Variants in RUVBL1 observed in about 807,000 individuals in gnomAD.
RUVBL1 encodes the protein ruvB-like 1.
Under a neutral mutation model 52.4 loss-of-function variants are expected in RUVBL1, and 4 were observed. The observed-to-expected ratio is 0.08, with a 90% CI of 0.04 to 0.17. The LOEUF is 0.17. Ranked by LOEUF, RUVBL1 falls within the 10% of genes least tolerant of loss-of-function variation. RUVBL1 has a pLI of 1.00. For missense variants in RUVBL1, 298 were observed against 572.8 expected, an observed-to-expected ratio of 0.52 and a Z score of 4.90; for synonymous variants, 217 against 214.4, an observed-to-expected ratio of 1.01 and a Z score of -0.10.
At chr3:128,151,270 A>T (rs1290389770) in intron 1 of RUVBL1, among the ~76,000 whole-genome samples, 1 of 142,992 alleles carries the variant, frequency 7.0e-6, no homozygotes, top group Non-Finnish European at 1.5e-5. Context: ...ATCTATATAT[A>T]TTCTATATAT....
chr3:128,128,872 T>G (rs538411906), intron 1 of RUVBL1, among the ~76,000 whole-genome samples: 1 of 152,326 alleles, frequency 6.6e-6, no homozygotes, highest in African/African-American at 2.4e-5. Context: ...AGCCAAGGCA[T>G]CTTTACTATC....
At chr3:128,147,177 C>G (rs1030929768) in intron 1 of RUVBL1, among the ~76,000 whole-genome samples, 1 of 152,100 alleles carries the variant, frequency 6.6e-6, no homozygotes, top group Non-Finnish European at 1.5e-5. Flanking sequence ...TCAAGGGATC[C>G]GCGCACCTCA....
rs1028375930 is a variant in RUVBL1, at chr3:128,067,305, T to C, written c.940-2085A>G. 1.8e-5 allele frequency: 24 copies of C among 1,315,580 alleles called. No individual in the cohort carries two copies. Among genetic ancestry groups the C allele is most frequent in the East Asian group, 4.6e-5 (2 of 43,306 alleles). The allele number at this position is 1,315,580 out of a possible 1,614,324, so 81.5% of individuals were successfully genotyped here. ...TTAAATTATCTTTTCAGTAAAAAAA[T>C]TGTACTGTGGGCACCGAGTAAAATT... is the stretch of plus-strand genomic sequence containing the variant. On this transcript the variant is annotated intron_variant, in intron 9 of 9. Transcript: ENST00000464873. This position sits in a 1 kb window ranked among gnomAD's most constrained non-coding sequence, Gnocchi z 4.1.
chr3:128,116,758 G>C (rs532194403), intron 2 of RUVBL1, among the ~76,000 whole-genome samples: 6 of 152,206 alleles, frequency 3.9e-5, no homozygotes, highest in African/African-American at 7.2e-5. Flanking sequence ...GAGCTGCCAG[G>C]CTCCCTCATC....
intron 3 of RUVBL1, among the ~76,000 whole-genome samples, chr3:128,111,731 G>A (rs552631619): frequency 2.0e-5 from 3 of 152,086 alleles, no homozygotes; most frequent in Non-Finnish European, 4.4e-5. Flanking sequence ...TTTAACCATG[G>A]CCCTACCTGA....
At chr3:128,065,592 G>A (rs1249272614) in intron 9 of RUVBL1, among the ~76,000 whole-genome samples, 1 of 152,126 alleles carries the variant, frequency 6.6e-6, no homozygotes, top group Non-Finnish European at 1.5e-5. Flanking sequence ...GAGATGAAAG[G>A]CAGTTTGATG....
chr3:128,146,520 CTGTG>C (rs1234419587), intron 1 of RUVBL1, among the ~76,000 whole-genome samples: 5 of 128,530 alleles, frequency 3.9e-5, no homozygotes, highest in Middle Eastern at 5.8e-3. Context: ...GTGCGTGCAT[CTGTG>C]TGTGTGTGTC....
chr3:128,104,737 G>A, intron 4 of RUVBL1, 36 bp downstream of exon 4: 1 of 1,572,474 alleles, frequency 6.4e-7, no homozygotes, highest in South Asian at 1.1e-5. Context: ...AGTGCTGGGA[G>A]AGTCAAGGGA....
At position 128,101,568 on chromosome 3, in the gene RUVBL1, C is replaced by T; in HGVS notation, c.594G>A (p.Gly198=). 2 of 1,613,972 alleles carry T rather than the reference C, an allele frequency of 1.2e-6. No homozygotes were observed. Among genetic ancestry groups the T allele is most frequent in the Non-Finnish European group, 1.7e-6 (2 of 1,179,954 alleles). The change falls in exon 5 of 11, where the codon GGG becomes GGA. Residue 198 remains glycine, a synonymous_variant. Transcript: ENST00000322623. ...GDVIYIEANS[G]AVKRQGRCDT... Reference sequence around the variant, plus strand: ...CCAAGGAAGGCATTACCTTCACGGCCCCACTGTTGGCTTCAATGTAAATCA... The same window carrying T: ...CCAAGGAAGGCATTACCTTCACGGCTCCACTGTTGGCTTCAATGTAAATCA...
intron 8 of RUVBL1, among the ~76,000 whole-genome samples, chr3:128,096,018 T>A (rs1942960175): frequency 6.6e-6 from 1 of 152,160 alleles, no homozygotes; most frequent in East Asian, 1.9e-4. Flanking sequence ...ATCAGCAGTT[T>A]TTATTTCAAA....
intron 8 of RUVBL1, among the ~76,000 whole-genome samples, chr3:128,096,955 C>T (rs1328347659): frequency 1.3e-5 from 2 of 152,176 alleles, no homozygotes; most frequent in Non-Finnish European, 2.9e-5. Context: ...ATAATGCCTA[C>T]CTCTCAGAGC....
intron 9 of RUVBL1, among the ~76,000 whole-genome samples, chr3:128,073,854 G>C (rs1942237828): frequency 6.6e-6 from 1 of 152,090 alleles, no homozygotes; most frequent in Non-Finnish European, 1.5e-5. Context: ...CCATCGGAGG[G>C]GGCTGAATAA....
intron 4 of RUVBL1, among the ~76,000 whole-genome samples, chr3:128,104,021 A>C (rs1943168119): frequency 6.6e-6 from 1 of 152,220 alleles, no homozygotes; most frequent in South Asian, 2.1e-4. Flanking sequence ...CATAACCCTG[A>C]AAGACAGGCA....
In RUVBL1 at chr3:128,081,513, T is replaced by C; in HGVS notation, c.1212-104A>G. ...CACTGGCACCAGGAGCAGAGCCCAG[T>C]GCTGGGCTTGTGCCAGCTGCTACGA... On this transcript the variant is annotated intron_variant, in intron 10 of 10. Coordinates refer to ENST00000322623, the MANE Select transcript of RUVBL1 (RefSeq NM_003707.3). This position sits in a 1 kb window ranked among gnomAD's most constrained non-coding sequence, Gnocchi z 4.8. The C allele has an allele frequency of 4.1e-6, 5 of 1,219,146 alleles. No homozygotes were observed. Among genetic ancestry groups the C allele is most frequent in the South Asian group, 1.5e-5 (1 of 66,370 alleles). 75.5% of individuals were successfully genotyped at this position (1,219,146 alleles called of 1,614,324 possible).
intron 1 of RUVBL1, among the ~76,000 whole-genome samples, chr3:128,134,659 G>A (rs1943925966): frequency 6.6e-6 from 1 of 151,812 alleles, no homozygotes; most frequent in African/African-American, 2.4e-5. Context: ...AAATGAGCTG[G>A]GTGTGGTGGC....
rs771704121 is a variant in RUVBL1 at position 128,101,546 on chromosome 3, AG to A, written c.603+12del. On this transcript the variant is annotated intron_variant, in intron 5 of 10. Coordinates refer to ENST00000322623, the MANE Select transcript of RUVBL1 (RefSeq NM_003707.3). The stretch of plus-strand genomic sequence containing the variant: ...AAATCAGGGACAATGCTGTGTCCCA[AG>A]GAAGGCATTACCTTCACGGCCCCAC... 6.2e-7 allele frequency: 1 copy of A among 1,610,792 alleles called. No individual in the cohort carries two copies. The highest frequency in any genetic ancestry group is 1.1e-5 in the South Asian group (1 of 91,030).
Position 128,081,623 on chromosome 3 carries a change from A to C in RUVBL1, c.1212-214T>G. 1 of 550,656 alleles carries C rather than the reference A, an allele frequency of 1.8e-6. No individual in the cohort carries two copies. Among genetic ancestry groups the C allele is most frequent in the South Asian group, 2.5e-5 (1 of 40,170 alleles). 34.1% of individuals were successfully genotyped at this position (550,656 alleles called of 1,614,324 possible). A position where few individuals can be genotyped will look rare whatever the true frequency, so the allele number is the denominator to read the frequency against. ...AGAGAGGGTCCAGGAGCCACCAAGAAGACATAAGTGCTATTCCCCAAATCT... is the reference window on the plus strand; with the variant it reads ...AGAGAGGGTCCAGGAGCCACCAAGACGACATAAGTGCTATTCCCCAAATCT... On this transcript the variant is annotated intron_variant, in intron 10 of 10. Transcript: ENST00000322623. The surrounding 1 kb of genome is among the most constrained non-coding windows in gnomAD (Gnocchi z 4.8).
chr3:128,082,695 GGGTT>G lies in RUVBL1; in HGVS notation c.1120-125_1120-122del. 1.2e-6 allele frequency: 1 copy of G among 829,020 alleles called. No homozygotes were observed. Among genetic ancestry groups the G allele is most frequent in the Non-Finnish European group, 1.9e-6 (1 of 540,026 alleles). 51.4% of individuals were successfully genotyped at this position (829,020 alleles called of 1,614,324 possible). A position where few individuals can be genotyped will look rare whatever the true frequency, so the allele number is the denominator to read the frequency against. ...TGCAGCATAAGAGAAACTGAGACCT[GGGTT>G]GGTGGGCAGGGAGCCAACGCCTGCC... is the stretch of plus-strand genomic sequence containing the variant. On this transcript the variant is annotated intron_variant, in intron 9 of 10. Transcript: ENST00000322623. The surrounding 1 kb of genome is among the most constrained non-coding windows in gnomAD (Gnocchi z 4.7).
Position 128,067,112 on chromosome 3 carries a change from C to T in RUVBL1, c.940-1892G>A. 1 of 1,614,238 alleles carries T rather than the reference C, an allele frequency of 6.2e-7. No individual in the cohort carries two copies. The highest frequency in any genetic ancestry group is 8.5e-7 in the Non-Finnish European group (1 of 1,180,050). On this transcript the variant is annotated intron_variant, in intron 9 of 9. Transcript: ENST00000464873. This position sits in a 1 kb window ranked among gnomAD's most constrained non-coding sequence, Gnocchi z 4.1. ...TCTCCCAAATGCTCTCAGCTCGCTT[C>T]AGTGGCAACTTGCTGGTCAGCCTGC...
Sources: allele counts gnomAD v4.1 joint callset (sites outside exome capture counted in the v4.1 genomes callset), GRCh38; gene constraint gnomAD v4.1.1; non-coding constraint Gnocchi (gnomAD v3.1); transcripts MANE v1.5; gene names NCBI Gene and HGNC (gene_info 2026-07-23, HGNC 2026-07-21).